CDH13: variants seen among roughly 807,000 people sequenced by gnomAD.
The protein encoded by CDH13 is cadherin-13.
Under a neutral mutation model 63.8 loss-of-function variants are expected in CDH13, and 24 were observed. The observed-to-expected ratio is 0.38, with a 90% CI of 0.27 to 0.53. CDH13 has a LOEUF of 0.53. Among genes scored for constraint, CDH13 ranks in the 20% least tolerant of loss-of-function variants. The probability of loss-of-function intolerance (pLI) is 0.85; values close to 1 mark genes in which losing one functional copy is unlikely to be tolerated. For synonymous variants in CDH13, 503 were observed against 355.3 expected (o/e 1.42, Z -4.67); for missense variants, 1,049 against 903.1 (o/e 1.16, Z -2.07).
intron 6 of CDH13, among the ~76,000 whole-genome samples, chr16:83,456,379 C>G (rs1046594735): frequency 2.0e-5 from 3 of 152,178 alleles, no homozygotes; most frequent in African/African-American, 7.2e-5. Context: ...AATAGATCAA[C>G]ATGGTCCCGG....
chr16:82,963,344 A>C (rs946225129), intron 2 of CDH13, among the ~76,000 whole-genome samples: 4 of 152,168 alleles, frequency 2.6e-5, no homozygotes, highest in Admixed American at 6.5e-5. Flanking sequence ...GCACCATTGC[A>C]CTCCAGCCTG....
chr16:83,711,999 G>A (rs182983961), intron 10 of CDH13, among the ~76,000 whole-genome samples: 4 of 152,310 alleles, frequency 2.6e-5, no homozygotes, highest in Admixed American at 2.6e-4. Flanking sequence ...TTCTTGGCTT[G>A]TAGATGGCTG....
At chr16:83,787,361 C>G (rs1015287561) in intron 13 of CDH13, among the ~76,000 whole-genome samples, 1 of 152,082 alleles carries the variant, frequency 6.6e-6, no homozygotes, top group African/African-American at 2.4e-5. Context: ...CGTGAAAACC[C>G]TTCTTTGCCT....
chr16:82,714,712 TAAAAAAAAAA>T (rs71146088), intron 1 of CDH13, among the ~76,000 whole-genome samples: 4 of 30,024 alleles, frequency 1.3e-4, no homozygotes, highest in East Asian at 8.2e-4. Context: ...AGACTCCATC[TAAAAAAAAAA>T]AAAAAAAAAA....
rs532906746 is a variant in CDH13, at chr16:83,181,440, C to A, written c.484-35905C>A. On this transcript the variant is annotated intron_variant, in intron 4 of 13. Coordinates refer to ENST00000567109, the MANE Select transcript of CDH13 (RefSeq NM_001257.5). The stretch of plus-strand genomic sequence containing the variant: ...TAAAGGAACCACTATGTGGTTAATA[C>A]CAGAAGTCCCGTCAAGTTGGAAGCT... Among the ~76,000 whole-genome samples, 36 of 152,316 alleles carry A rather than the reference C, an allele frequency of 2.4e-4. No homozygotes were observed. In the South Asian group the frequency reaches 2.9e-3, roughly 12 times the overall value.
intron 1 of CDH13, among the ~76,000 whole-genome samples, chr16:82,851,449 A>G (rs1254000728): frequency 2.4e-5 from 1 of 41,042 alleles, no homozygotes; most frequent in Non-Finnish European, 7.3e-5. Context: ...AAAAAATAAA[A>G]AGAAAAAGAA....
chr16:83,718,321 A>G (rs185772746), intron 10 of CDH13, among the ~76,000 whole-genome samples: 2 of 152,234 alleles, frequency 1.3e-5, no homozygotes, highest in African/African-American at 4.8e-5. Context: ...GACCCCAGTC[A>G]TTGTCCAGGC....
chr16:83,552,297 C>T (rs1178176479), intron 7 of CDH13, among the ~76,000 whole-genome samples: 1 of 152,042 alleles, frequency 6.6e-6, no homozygotes. Flanking sequence ...GAATGGGAGG[C>T]CAGAACCCAG....
chr16:83,031,321 GTATA>G, intron 2 of CDH13, among the ~76,000 whole-genome samples: 2 of 134,816 alleles, frequency 1.5e-5, no homozygotes, highest in African/African-American at 5.6e-5. Flanking sequence ...GCATAGGCAT[GTATA>G]TATATGTATA....
At chr16:83,422,904 G>A (rs2071759663) in intron 6 of CDH13, among the ~76,000 whole-genome samples, 1 of 152,182 alleles carries the variant, frequency 6.6e-6, no homozygotes, top group African/African-American at 2.4e-5. Flanking sequence ...TGATAAAGGA[G>A]GAGGAGGAGA....
At chr16:83,131,182 A>ACGGGGG (rs2036031184) in intron 4 of CDH13, among the ~76,000 whole-genome samples, 2 of 86,348 alleles carry the variant, frequency 2.3e-5, no homozygotes, top group African/African-American at 7.1e-5. Context: ...GGGGTGTATG[A>ACGGGGG]CCCCCCCCCC....
intron 2 of CDH13, among the ~76,000 whole-genome samples, chr16:82,957,187 G>T (rs1013229098): frequency 2.6e-5 from 4 of 152,174 alleles, no homozygotes; most frequent in Admixed American, 2.0e-4. Flanking sequence ...GTGGAAAGTT[G>T]CATCTACCAC....
chr16:83,681,752 C>A (rs963574313), intron 10 of CDH13, among the ~76,000 whole-genome samples: 1 of 152,156 alleles, frequency 6.6e-6, no homozygotes, highest in African/African-American at 2.4e-5. Flanking sequence ...AGTGCTCTCC[C>A]TTGGGGCCTG....
At chr16:83,269,650 A>G (rs1013534169) in intron 5 of CDH13, among the ~76,000 whole-genome samples, 2 of 152,192 alleles carry the variant, frequency 1.3e-5, no homozygotes, top group Non-Finnish European at 2.9e-5. Context: ...GTTGTGGATT[A>G]GGTCCTATCA....
intron 4 of CDH13, among the ~76,000 whole-genome samples, chr16:83,215,974 A>C (rs1220656811): frequency 2.0e-5 from 3 of 151,618 alleles, no homozygotes; most frequent in Non-Finnish European, 2.9e-5. Flanking sequence ...TTGCACATCT[A>C]CATAAAAAGA....
At chr16:83,293,901 C>T (rs1280620717) in intron 5 of CDH13, among the ~76,000 whole-genome samples, 1 of 152,232 alleles carries the variant, frequency 6.6e-6, no homozygotes, top group South Asian at 2.1e-4. Flanking sequence ...TTATACTATG[C>T]CCTTAGCATG....
intron 4 of CDH13, among the ~76,000 whole-genome samples, chr16:83,153,513 G>A (rs765888388): frequency 6.6e-6 from 1 of 152,174 alleles, no homozygotes; most frequent in Admixed American, 6.5e-5. Flanking sequence ...TCGGGAAAGG[G>A]CTGTTATCAC....
chr16:83,683,717 C>G (rs1287745327), intron 10 of CDH13, among the ~76,000 whole-genome samples: 2 of 152,132 alleles, frequency 1.3e-5, no homozygotes, highest in East Asian at 3.9e-4. Flanking sequence ...TCATTAATAT[C>G]CTGAAGACAA....
At chr16:82,712,863 C>T (rs1250854729) in intron 1 of CDH13, among the ~76,000 whole-genome samples, 2 of 152,110 alleles carry the variant, frequency 1.3e-5, no homozygotes, top group Non-Finnish European at 2.9e-5. Context: ...TATTAACTCT[C>T]CGCTCTCTGG....
Sources: allele counts gnomAD v4.1 joint callset (sites outside exome capture counted in the v4.1 genomes callset), GRCh38; gene constraint gnomAD v4.1.1; transcripts MANE v1.5; gene names NCBI Gene and HGNC (gene_info 2026-07-23, HGNC 2026-07-21).